RIT2: variants seen among roughly 807,000 people sequenced by gnomAD.
RIT2 encodes the protein GTP-binding protein Rit2.
A neutral mutation model predicts 23.7 loss-of-function variants in RIT2; 24 were observed. The observed-to-expected ratio is 1.01, with a 90% CI of 0.73 to 1.43. The LOEUF (loss-of-function observed/expected upper bound fraction) is 1.43, where lower values mean the gene tolerates loss of function less well. RIT2 is among the 40% of genes most tolerant of loss of function. The probability of loss-of-function intolerance (pLI) is 0.00; values close to 1 mark genes in which losing one functional copy is unlikely to be tolerated. For missense variants in RIT2, 236 were observed against 266.9 expected (o/e 0.88, Z 0.81); for synonymous variants, 107 against 91.1 (o/e 1.17, Z -0.99).
intron 4 of RIT2, among the ~76,000 whole-genome samples, chr18:42,827,738 G>T (rs1242667878): frequency 6.6e-6 from 1 of 152,094 alleles, no homozygotes; most frequent in Non-Finnish European, 1.5e-5. Context: ...AGGCGTGGTG[G>T]CTCATGCCTG....
intron 4 of RIT2, among the ~76,000 whole-genome samples, chr18:42,816,990 AT>A: frequency 6.6e-6 from 1 of 152,312 alleles, no homozygotes. Context: ...GAGAATCTGC[AT>A]TCCCAACAAG....
chr18:42,941,038 T>C (rs552311290), intron 3 of RIT2, among the ~76,000 whole-genome samples: 4 of 152,280 alleles, frequency 2.6e-5, no homozygotes, highest in South Asian at 2.1e-4. Context: ...TTCTAATGCA[T>C]GTTGTTTGGC....
chr18:43,061,250 A>C (rs1482349151), intron 1 of RIT2, among the ~76,000 whole-genome samples: 1 of 152,142 alleles, frequency 6.6e-6, no homozygotes, highest in Non-Finnish European at 1.5e-5. Flanking sequence ...CATTGATTTT[A>C]CAATTATTTT....
intron 4 of RIT2, among the ~76,000 whole-genome samples, chr18:42,831,311 A>C (rs770576907): frequency 6.6e-6 from 1 of 152,254 alleles, no homozygotes; most frequent in African/African-American, 2.4e-5. Context: ...ATATCTAGAC[A>C]AGCAAATGCT....
intron 1 of RIT2, among the ~76,000 whole-genome samples, chr18:43,060,377 G>C (rs953327362): frequency 2.0e-5 from 3 of 152,128 alleles, no homozygotes; most frequent in Non-Finnish European, 4.4e-5. Context: ...CACTAATCTT[G>C]TAATGAAACA....
chr18:42,843,274 G>A (rs1462546760), intron 4 of RIT2, among the ~76,000 whole-genome samples: 1 of 152,140 alleles, frequency 6.6e-6, no homozygotes, highest in African/African-American at 2.4e-5. Context: ...ATATTAATGA[G>A]TATATAGTTC....
intron 2 of RIT2, among the ~76,000 whole-genome samples, chr18:43,002,892 A>G (rs767500450): frequency 1.9e-4 from 29 of 151,978 alleles, no homozygotes; most frequent in Non-Finnish European, 4.0e-4. Flanking sequence ...GGTGTGACCA[A>G]TGTAATCACA....
chr18:43,085,433 T>C (rs1202688782), intron 1 of RIT2, among the ~76,000 whole-genome samples: 1 of 152,102 alleles, frequency 6.6e-6, no homozygotes, highest in East Asian at 1.9e-4. Context: ...CACAGTACAA[T>C]AAAATACTAA....
intron 4 of RIT2, among the ~76,000 whole-genome samples, chr18:42,919,531 T>C (rs931990408): frequency 5.9e-5 from 9 of 151,942 alleles, no homozygotes; most frequent in African/African-American, 2.2e-4. Context: ...CTGGCCAACA[T>C]AGTGAAACCA....
chr18:42,814,773 G>T (rs1182000058), intron 4 of RIT2, among the ~76,000 whole-genome samples: 1 of 152,104 alleles, frequency 6.6e-6, no homozygotes, highest in Admixed American at 6.5e-5. Context: ...AACAAAACTA[G>T]TTCATTAAAC....
chr18:42,920,723 C>T (rs779476070), intron 4 of RIT2: 2 of 1,596,212 alleles, frequency 1.3e-6, no homozygotes, highest in Non-Finnish European at 1.7e-6. Flanking sequence ...CAGCTTCAAC[C>T]ATCAGAATTC....
intron 1 of RIT2, among the ~76,000 whole-genome samples, chr18:43,057,475 C>A (rs978595510): frequency 3.9e-5 from 6 of 152,268 alleles, no homozygotes; most frequent in Admixed American, 3.9e-4. Flanking sequence ...GGACAAGCTT[C>A]TATTAAAGTT....
chr18:42,940,689 G>T (rs1390681397), intron 3 of RIT2, among the ~76,000 whole-genome samples: 1 of 152,092 alleles, frequency 6.6e-6, no homozygotes, highest in Non-Finnish European at 1.5e-5. Flanking sequence ...TTTTTAAAAA[G>T]AATAGTATTA....
At chr18:42,754,311 C>T (rs1323461134) in intron 4 of RIT2, among the ~76,000 whole-genome samples, 3 of 152,084 alleles carry the variant, frequency 2.0e-5, no homozygotes, top group Non-Finnish European at 4.4e-5. Context: ...CACCTGGGTT[C>T]TTAGACTGGT....
At chr18:42,756,813 G>A (rs1466574415) in intron 4 of RIT2, among the ~76,000 whole-genome samples, 2 of 151,508 alleles carry the variant, frequency 1.3e-5, no homozygotes, top group South Asian at 2.1e-4. Context: ...TTTTAACATG[G>A]CCTAAAAATG....
At chr18:43,083,087 TAGACAAACAG>T (rs1913195916) in intron 1 of RIT2, among the ~76,000 whole-genome samples, 2 of 152,076 alleles carry the variant, frequency 1.3e-5, no homozygotes, top group African/African-American at 4.8e-5. Context: ...ATACCAATAA[TAGACAAACAG>T]AGAGTCAAAT....
chr18:42,933,596 G>A (rs1303563287), intron 3 of RIT2, among the ~76,000 whole-genome samples: 1 of 152,106 alleles, frequency 6.6e-6, no homozygotes, highest in East Asian at 1.9e-4. Context: ...GGTTTCATAA[G>A]GGGCTTTTGC....
At chr18:43,013,311 TG>T (rs1911394758) in intron 2 of RIT2, among the ~76,000 whole-genome samples, 1 of 151,820 alleles carries the variant, frequency 6.6e-6, no homozygotes, top group Non-Finnish European at 1.5e-5. Context: ...AACTATAGCT[TG>T]ATAGCTAATA....
chr18:43,096,485 T>C (rs1913556393), intron 1 of RIT2, among the ~76,000 whole-genome samples: 1 of 151,846 alleles, frequency 6.6e-6, no homozygotes, highest in Admixed American at 6.6e-5. Flanking sequence ...AAAATATGTA[T>C]TTATATTGCC....
Sources: gnomAD v4.1 joint callset for allele counts (sites outside exome capture counted in the v4.1 genomes callset) on GRCh38, gnomAD v4.1.1 for gene constraint, MANE v1.5 for transcripts, NCBI Gene and HGNC (gene_info 2026-07-23, HGNC 2026-07-21) for gene names.